KLHL31: variants seen among roughly 807,000 people sequenced by gnomAD.
KLHL31 encodes kelch-like protein 31.
A neutral mutation model predicts 47.1 loss-of-function variants in KLHL31; 32 were observed. The ratio of observed to expected loss-of-function variants is 0.68; its 90% CI spans 0.51 to 0.91. KLHL31 has a LOEUF of 0.91. Among genes scored for constraint, KLHL31 ranks in the 40% least tolerant of loss-of-function variants. KLHL31 has a pLI of 0.00. For missense variants in KLHL31, 797 were observed against 819.3 expected (o/e 0.97, Z 0.33); for synonymous variants, 330 against 325.1 (o/e 1.01, Z -0.16).
rs1354402077 is a variant in KLHL31, at chr6:53,649,635, C to T, written c.*1963G>A. ...CAAGCCCTAGGTCCTCCTCTTCATA[C>T]AATACTTCTAAGATGTCAATGGGAA... On this transcript the variant is annotated 3_prime_UTR_variant, in exon 3 of 3. Coordinates refer to ENST00000370905, the MANE Select transcript of KLHL31 (RefSeq NM_001003760.5). 1 of 152,110 alleles carries T rather than the reference C, an allele frequency of 6.6e-6. No homozygotes were observed. The highest frequency in any genetic ancestry group is 1.5e-5 in the Non-Finnish European group (1 of 67,974). The allele number at this position is 152,110 out of a possible 1,614,324, so 9.4% of individuals were successfully genotyped here.
intron 1 of KLHL31, among the ~76,000 whole-genome samples, chr6:53,663,619 T>C (rs900420689): frequency 6.6e-6 from 1 of 152,244 alleles, no homozygotes; most frequent in African/African-American, 2.4e-5. Flanking sequence ...CTAACTTTTA[T>C]CTATAAAGTA....
Position 53,654,253 on chromosome 6 carries a change from G to C in KLHL31, c.1020C>G (p.Asp340Glu), listed in dbSNP as rs780082746. 25 of 1,614,044 alleles carry C rather than the reference G, an allele frequency of 1.5e-5. No homozygotes were observed. Among genetic ancestry groups the C allele is most frequent in the Non-Finnish European group, 2.0e-5 (24 of 1,180,044 alleles). ...TAAGCTTGCTCCATCCATTTTCAGG[G>C]TCTCTATACAAGATGTCTCTGCTAA... Reference protein sequence around the residue: ...KSLSRDILYRDPENGWSKLTE... With the variant: ...KSLSRDILYREPENGWSKLTE... The change falls in exon 2 of 3, where the codon GAC becomes GAG. Residue 340 changes from aspartate to glutamate, a missense_variant. Physicochemically the swap from Asp to Glu is conservative, Grantham distance 45. Transcript: ENST00000370905.
At chr6:53,658,368 G>A (rs890102139) in intron 1 of KLHL31, among the ~76,000 whole-genome samples, 1 of 152,112 alleles carries the variant, frequency 6.6e-6, no homozygotes, top group Non-Finnish European at 1.5e-5. Context: ...GAGTGCCTCA[G>A]ACTGAAATTC....
chr6:53,661,982 GCT>G (rs1046843557), intron 1 of KLHL31, among the ~76,000 whole-genome samples: 8 of 151,698 alleles, frequency 5.3e-5, no homozygotes, highest in South Asian at 2.1e-4. Context: ...TTTTTTTAAA[GCT>G]CTCTCTCTCT....
rs757761627 is a variant in KLHL31 at position 53,655,047 on chromosome 6, C to G, written c.226G>C (p.Val76Leu). The G allele has an allele frequency of 6.2e-7, 1 of 1,614,128 alleles. No homozygotes were observed. Among genetic ancestry groups the G allele is most frequent in the Non-Finnish European group, 8.5e-7 (1 of 1,180,024 alleles). ...AAGGATTTGGTTTTGGTACCAATGACTAAGTCACATAGGAAGTTCTCCTGC... is the reference window on the plus strand; with the variant it reads ...AAGGATTTGGTTTTGGTACCAATGAGTAAGTCACATAGGAAGTTCTCCTGC... ...MRQENFLCDL[V>L]IGTKTKSFDV... The change falls in exon 2 of 3, where the codon GTC (valine) becomes CTC (leucine). Residue 76 changes from valine to leucine, a missense_variant. Val to Leu is a conservative substitution (Grantham distance 32, BLOSUM62 1). Coordinates refer to ENST00000370905, the MANE Select transcript of KLHL31 (RefSeq NM_001003760.5).
chr6:53,660,680 G>A (rs1764631817), intron 1 of KLHL31, among the ~76,000 whole-genome samples: 1 of 152,174 alleles, frequency 6.6e-6, no homozygotes, highest in Non-Finnish European at 1.5e-5. Flanking sequence ...TGGATGTGGT[G>A]GCATGCACCT....
At chr6:53,655,332 T>G (rs1764545406) in intron 1 of KLHL31, 27 bp from the exon 2 acceptor site, 1 of 1,218,060 alleles carries the variant, frequency 8.2e-7, no homozygotes, top group Admixed American at 2.8e-5. Context: ...AAAAACATGG[T>G]TTTGTTTTAA....
At position 53,652,017 on chromosome 6, in the gene KLHL31, G is replaced by A; in HGVS notation, c.1486C>T (p.Leu496=). The part of the protein sequence containing the change: ...YDPASDSWQE[L]PNLSTPRGWH... ...CCCCGGGGTGTGCTGAGGTTCGGCA[G>A]CTCCTGCCACGAGTCGCTGGCCGGG... The change falls in exon 3 of 3, where the codon CTG becomes TTG. Residue 496 remains leucine (L), a synonymous_variant. Coordinates refer to ENST00000370905, the MANE Select transcript of KLHL31 (RefSeq NM_001003760.5). 1 of 1,591,076 alleles carries A rather than the reference G, an allele frequency of 6.3e-7. No individual in the cohort carries two copies. The highest frequency in any genetic ancestry group is 8.5e-7 in the Non-Finnish European group (1 of 1,174,848).
At chr6:53,652,810 G>C (rs1303000992) in intron 2 of KLHL31, among the ~76,000 whole-genome samples, 1 of 152,106 alleles carries the variant, frequency 6.6e-6, no homozygotes, top group African/African-American at 2.4e-5. Context: ...CACAGTTTAA[G>C]ATACGAATTG....
chr6:53,661,634 C>T (rs1305909472), intron 1 of KLHL31, among the ~76,000 whole-genome samples: 1 of 152,204 alleles, frequency 6.6e-6, no homozygotes, highest in Non-Finnish European at 1.5e-5. Context: ...TAGAAGATGG[C>T]TGGAAAATCT....
Position 53,655,252 on chromosome 6 carries a change from A to C in KLHL31, c.21T>G (p.Ile7Met). Residue 7 changes from isoleucine (I) to methionine (M), a missense_variant, in exon 2 of 3, where the codon ATT (isoleucine) becomes ATG (methionine). By Grantham distance (10) the Ile-to-Met change is conservative (BLOSUM62 1). Transcript: ENST00000370905. ...TGATATCTCCTTTGTTCTTTTTGAC[A>C]ATCTTCTTTTTGGGTGCCATGTTGG... MAPKKK[I>M]VKKNKGDINE... The C allele has an allele frequency of 6.4e-7, 1 of 1,570,000 alleles. No individual in the cohort carries two copies.
In KLHL31 at chr6:53,652,348, G is replaced by T; in HGVS notation, c.1173-18C>A. 1 of 1,612,532 alleles carries T rather than the reference G, an allele frequency of 6.2e-7. No individual in the cohort carries two copies. Reference sequence around the variant, plus strand: ...GATCGTATCTGGAAATGATAGAGAAGGTGTAACAGCTTTGTCGGCGGCAGC... The same window carrying T: ...GATCGTATCTGGAAATGATAGAGAATGTGTAACAGCTTTGTCGGCGGCAGC... On this transcript the variant is annotated intron_variant, in intron 2 of 2. Coordinates refer to ENST00000370905, the MANE Select transcript of KLHL31 (RefSeq NM_001003760.5).
In KLHL31 at chr6:53,648,312, G is replaced by T. The variant is rs1408068864; in HGVS notation, c.*3286C>A. 6.6e-6 allele frequency: 1 copy of T among 152,152 alleles called. No individual in the cohort carries two copies. The highest frequency in any genetic ancestry group is 1.5e-5 in the Non-Finnish European group (1 of 68,008). 9.4% of individuals were successfully genotyped at this position (152,152 alleles called of 1,614,324 possible). A position where few individuals can be genotyped will look rare whatever the true frequency, so the allele number is the denominator to read the frequency against. On this transcript the variant is annotated 3_prime_UTR_variant, in exon 3 of 3. Transcript: ENST00000370905. ...TGGAGAACATATTCATCAGCGGCTG[G>T]AATAGGGATGTAGTTCATTCAGAGA...
chr6:53,661,856 T>C (rs967890374), intron 1 of KLHL31, among the ~76,000 whole-genome samples: 2 of 152,280 alleles, frequency 1.3e-5, no homozygotes, highest in Non-Finnish European at 2.9e-5. Context: ...TGTGTGTTCA[T>C]ATATAGAGTA....
At chr6:53,660,816 C>CAAGAA (rs1455464316) in intron 1 of KLHL31, among the ~76,000 whole-genome samples, 1 of 152,174 alleles carries the variant, frequency 6.6e-6, no homozygotes, top group Non-Finnish European at 1.5e-5. Flanking sequence ...GACTCTGTCT[C>CAAGAA]AAGAAAAGAA....
At position 53,651,539 on chromosome 6, in the gene KLHL31, A is replaced by G; in HGVS notation, c.*59T>C. Reference sequence around the variant, plus strand: ...TTCCTTTTCGCGAACTCAGAGGTTAACCACGTGGCTCTACGAATAAATAAC... The same window carrying G: ...TTCCTTTTCGCGAACTCAGAGGTTAGCCACGTGGCTCTACGAATAAATAAC... On this transcript the variant is annotated 3_prime_UTR_variant, in exon 3 of 3. Coordinates refer to ENST00000370905, the MANE Select transcript of KLHL31 (RefSeq NM_001003760.5). 6.4e-7 allele frequency: 1 copy of G among 1,553,224 alleles called. No individual in the cohort carries two copies. The highest frequency in any genetic ancestry group is 8.7e-7 in the Non-Finnish European group (1 of 1,149,748).
rs1038259755 is a variant in KLHL31 at position 53,649,425 on chromosome 6, A to C, written c.*2173T>G. ...GATAAACAATGTAGAAAATAAATTA[A>C]ATGGTAATTTTAAATGATTTATCCA... On this transcript the variant is annotated 3_prime_UTR_variant, in exon 3 of 3. Coordinates refer to ENST00000370905, the MANE Select transcript of KLHL31 (RefSeq NM_001003760.5). 6.6e-6 allele frequency: 1 copy of C among 152,164 alleles called. No individual in the cohort carries two copies. The highest frequency in any genetic ancestry group is 1.5e-5 in the Non-Finnish European group (1 of 67,990). The allele number at this position is 152,164 out of a possible 1,614,324, so 9.4% of individuals were successfully genotyped here.
Position 53,652,150 on chromosome 6 carries a change from G to C in KLHL31, c.1353C>G (p.Pro451=). 1 of 1,605,254 alleles carries C rather than the reference G, an allele frequency of 6.2e-7. No homozygotes were observed. The highest frequency in any genetic ancestry group is 8.5e-7 in the Non-Finnish European group (1 of 1,179,066). ...PSTNQWQPKT[P]LEVARCCHAS... is the part of the protein sequence containing the mutation. ...CGTGGCAGCAGCGCGCCACCTCCAG[G>C]GGCGTCTTCGGCTGCCACTGATTGG... Residue 451 remains proline (P), a synonymous_variant, in exon 3 of 3, where the codon CCC becomes CCG. Coordinates refer to ENST00000370905, the MANE Select transcript of KLHL31 (RefSeq NM_001003760.5).
chr6:53,664,030 T>C (rs1561988122), intron 1 of KLHL31, among the ~76,000 whole-genome samples: 1 of 152,212 alleles, frequency 6.6e-6, no homozygotes, highest in Non-Finnish European at 1.5e-5. Context: ...TGTTCCTACA[T>C]TAAATCTCCC....
Sources: gnomAD v4.1 joint callset for allele counts (sites outside exome capture counted in the v4.1 genomes callset) on GRCh38, gnomAD v4.1.1 for gene constraint, MANE v1.5 for transcripts, NCBI Gene and HGNC (gene_info 2026-07-23, HGNC 2026-07-21) for gene names.